PRDM16: variants seen among roughly 807,000 people sequenced by gnomAD.
The protein encoded by PRDM16 is histone-lysine N-methyltransferase PRDM16.
In PRDM16, 23 loss-of-function variants were observed where a neutral mutation model predicts 110.6. That is an observed-to-expected ratio of 0.21 (90% CI 0.15 to 0.29). The LOEUF (loss-of-function observed/expected upper bound fraction) is 0.29, where lower values mean the gene tolerates loss of function less well. PRDM16 is among the 10% of genes least tolerant of loss of function. The probability of loss-of-function intolerance (pLI) is 1.00; values close to 1 mark genes in which losing one functional copy is unlikely to be tolerated. For synonymous variants in PRDM16, 799 were observed against 781.8 expected, an observed-to-expected ratio of 1.02 and a Z score of -0.37; for missense variants, 1,615 against 1,794.3, an observed-to-expected ratio of 0.90 and a Z score of 1.81.
At chr1:3,120,656 C>T (rs570718238) in intron 1 of PRDM16, among the ~76,000 whole-genome samples, 4 of 152,316 alleles carry the variant, frequency 2.6e-5, no homozygotes, top group East Asian at 3.9e-4. Context: ...CCTGCCCTTG[C>T]GTCTCTGCGC....
intron 1 of PRDM16, among the ~76,000 whole-genome samples, chr1:3,102,057 C>T (rs113272799): frequency 6.6e-6 from 1 of 152,224 alleles, no homozygotes; most frequent in African/African-American, 2.4e-5. Context: ...ATTTACAAAA[C>T]CAAGGAAGGC....
intron 3 of PRDM16, among the ~76,000 whole-genome samples, chr1:3,376,016 C>T (rs924087363): frequency 6.6e-6 from 1 of 152,130 alleles, no homozygotes; most frequent in African/African-American, 2.4e-5. Context: ...CAGAGCTCCA[C>T]GGCATCTGGG....
Position 3,069,964 on chromosome 1 carries a change from G to T in PRDM16, c.37+668G>T, listed in dbSNP as rs946747639. 6.6e-6 allele frequency among the ~76,000 whole-genome samples: 1 copy of T among 151,992 alleles called. No homozygotes were observed. Among genetic ancestry groups the T allele is most frequent in the Non-Finnish European group, 1.5e-5 (1 of 67,986 alleles). ...AAATGGAGACTTTTGCCCGGGCTGG[G>T]AACTGTGGTCGTGAAGTTTATCCCC... On this transcript the variant is annotated intron_variant, in intron 1 of 16. Transcript: ENST00000270722. This position sits in a 1 kb window ranked among gnomAD's most constrained non-coding sequence, Gnocchi z 6.1.
intron 1 of PRDM16, among the ~76,000 whole-genome samples, chr1:3,154,757 GT>G (rs997178123): frequency 1.3e-5 from 2 of 152,212 alleles, no homozygotes; most frequent in African/African-American, 4.8e-5. Flanking sequence ...CCCCCAGGCC[GT>G]TCTCACTCCT....
intron 3 of PRDM16, among the ~76,000 whole-genome samples, chr1:3,253,322 G>A (rs1403262621): frequency 6.7e-6 from 1 of 149,560 alleles, no homozygotes; most frequent in Non-Finnish European, 1.5e-5. Context: ...TCGTCATTTA[G>A]CATTAGGTAT....
Position 3,412,736 on chromosome 1 carries a change from A to T in PRDM16, c.2539A>T (p.Met847Leu), listed in dbSNP as rs369624816. The change falls in exon 9 of 17, where the codon ATG becomes TTG. Residue 847 changes from methionine (M) to leucine (L), a missense_variant. Coordinates refer to ENST00000270722, the MANE Select transcript of PRDM16 (RefSeq NM_022114.4). ...GCTGCCCCAGGTGTGCCCGGCGCGG[A>T]TGCCCCAGCAGCCCCCGCTCCACTA... is the stretch of plus-strand genomic sequence containing the variant. Reference protein sequence around the residue: ...EGLPQVCPARMPQQPPLHYAK... With the variant: ...EGLPQVCPARLPQQPPLHYAK... The T allele has an allele frequency of 4.1e-4, 613 of 1,506,132 alleles. 12 individuals carry two copies. In the South Asian group the frequency reaches 7.5e-3, roughly 18 times the overall value. The allele number at this position is 1,506,132 out of a possible 1,614,324, so 93.3% of individuals were successfully genotyped here. A position where few individuals can be genotyped will look rare whatever the true frequency, so the allele number is the denominator to read the frequency against.
chr1:3,105,148 C>T (rs554228424), intron 1 of PRDM16, among the ~76,000 whole-genome samples: 7 of 152,290 alleles, frequency 4.6e-5, no homozygotes, highest in Admixed American at 4.6e-4. Flanking sequence ...GCCCTCCCCA[C>T]GATGGCCACA....
At chr1:3,134,487 C>G (rs1643397469) in intron 1 of PRDM16, among the ~76,000 whole-genome samples, 1 of 152,186 alleles carries the variant, frequency 6.6e-6, no homozygotes, top group African/African-American at 2.4e-5. Flanking sequence ...CCCTCCCCTC[C>G]CGCACAGCCT....
chr1:3,079,530 G>A (rs557933363), intron 1 of PRDM16, among the ~76,000 whole-genome samples: 3 of 152,300 alleles, frequency 2.0e-5, no homozygotes, highest in South Asian at 2.1e-4. Context: ...GCAGCAAGCC[G>A]CATGGAGCGG....
chr1:3,247,882 ACT>A (rs985674637), intron 3 of PRDM16, among the ~76,000 whole-genome samples: 5 of 152,036 alleles, frequency 3.3e-5, no homozygotes, highest in Non-Finnish European at 1.5e-5. Context: ...CCTCCAGCGG[ACT>A]CTCTATTTAG....
chr1:3,296,363 AC>A (rs1641089078), intron 3 of PRDM16, among the ~76,000 whole-genome samples: 1 of 152,134 alleles, frequency 6.6e-6, no homozygotes, highest in African/African-American at 2.4e-5. Context: ...ATGGACATAA[AC>A]CCGTCCATTC....
chr1:3,104,048 T>C (rs1642591739), intron 1 of PRDM16, among the ~76,000 whole-genome samples: 1 of 152,202 alleles, frequency 6.6e-6, no homozygotes, highest in Non-Finnish European at 1.5e-5. Context: ...TCCGCCGAAG[T>C]CACTGCTCCT....
At chr1:3,240,057 A>G (rs58268876) in intron 2 of PRDM16, among the ~76,000 whole-genome samples, 15 of 4,826 alleles carry the variant, frequency 3.1e-3, no homozygotes, top group African/African-American at 5.8e-3. Context: ...GGAGAGGAGA[A>G]GAGGAGAGGA....
intron 2 of PRDM16, among the ~76,000 whole-genome samples, chr1:3,236,358 C>T (rs991318078): frequency 1.3e-5 from 2 of 152,190 alleles, no homozygotes; most frequent in African/African-American, 4.8e-5. Context: ...CCAGCAGCCT[C>T]GTCCTCTGAG....
intron 3 of PRDM16, among the ~76,000 whole-genome samples, chr1:3,363,479 T>C (rs1642752694): frequency 6.6e-6 from 1 of 152,158 alleles, no homozygotes; most frequent in African/African-American, 2.4e-5. Context: ...AGCTGGGACT[T>C]GGAAGCCTCT....
At chr1:3,133,821 G>T (rs777199486) in intron 1 of PRDM16, 1 of 152,192 alleles carries the variant, frequency 6.6e-6, no homozygotes, top group African/African-American at 2.4e-5. Context: ...GCCTTTCGCC[G>T]CGGGAATTTG....
intron 2 of PRDM16, among the ~76,000 whole-genome samples, chr1:3,225,574 G>GTGTGCGCGCGCGCA (rs1491529163): frequency 1.9e-4 from 25 of 135,110 alleles, no homozygotes; most frequent in African/African-American, 7.1e-4. Flanking sequence ...GTGTGTGTGT[G>GTGTGCGCGCGCGCA]CGCGCGCGCA....
At chr1:3,221,060 A>AG (rs1639140070) in intron 2 of PRDM16, among the ~76,000 whole-genome samples, 1 of 152,112 alleles carries the variant, frequency 6.6e-6, no homozygotes, top group Non-Finnish European at 1.5e-5. Context: ...TGAGGTGGAG[A>AG]GGGGGGACGG....
At chr1:3,371,311 G>A (rs1029785577) in intron 3 of PRDM16, among the ~76,000 whole-genome samples, 4 of 132,478 alleles carry the variant, frequency 3.0e-5, no homozygotes, top group Non-Finnish European at 1.6e-5. Flanking sequence ...ATCCATCCAT[G>A]CATCCATTGA....
Sources: allele counts gnomAD v4.1 joint callset (sites outside exome capture counted in the v4.1 genomes callset), GRCh38; gene constraint gnomAD v4.1.1; non-coding constraint Gnocchi (gnomAD v3.1); transcripts MANE v1.5; gene names NCBI Gene and HGNC (gene_info 2026-07-23, HGNC 2026-07-21).